Variants in PALM2AKAP2 observed in about 807,000 individuals in gnomAD.
PALM2AKAP2 encodes the protein PALM2-AKAP2 fusion protein.
PALM2AKAP2 carries 37 observed loss-of-function variants against 71.5 expected under a neutral mutation model. That is an observed-to-expected ratio of 0.52 (90% CI 0.40 to 0.68). The LOEUF (loss-of-function observed/expected upper bound fraction) is 0.68. Ranked by LOEUF, PALM2AKAP2 falls within the 30% of genes least tolerant of loss-of-function variation. PALM2AKAP2 has a pLI of 0.00. For missense variants in PALM2AKAP2, 1,224 were observed against 1,191.8 expected (o/e 1.03, Z -0.40); for synonymous variants, 468 against 478.8 (o/e 0.98, Z 0.29).
At chr9:109,692,246 T>A (rs1055464550) in intron 1 of PALM2AKAP2, among the ~76,000 whole-genome samples, 7 of 151,944 alleles carry the variant, frequency 4.6e-5, no homozygotes, top group African/African-American at 1.2e-4. Context: ...ACATATAGTA[T>A]CATAGTTGGT....
chr9:110,027,148 G>T (rs1221229254), intron 7 of PALM2AKAP2, among the ~76,000 whole-genome samples: 1 of 152,140 alleles, frequency 6.6e-6, no homozygotes, highest in Non-Finnish European at 1.5e-5. Flanking sequence ...GGTTACAAAA[G>T]TTCCTTTCTT....
At chr9:109,789,000 G>A (rs1478724342) in intron 1 of PALM2AKAP2, among the ~76,000 whole-genome samples, 1 of 152,162 alleles carries the variant, frequency 6.6e-6, no homozygotes, top group Non-Finnish European at 1.5e-5. Flanking sequence ...TCGGGAACTT[G>A]CTTTAATCTA....
intron 3 of PALM2AKAP2, among the ~76,000 whole-genome samples, chr9:110,165,546 T>G (rs905276739): frequency 2.6e-5 from 4 of 152,174 alleles, no homozygotes; most frequent in African/African-American, 4.8e-5. Flanking sequence ...ACTAGAAATT[T>G]ATTGTATGGC....
At chr9:109,728,884 G>A (rs954964405) in intron 1 of PALM2AKAP2, among the ~76,000 whole-genome samples, 3 of 152,050 alleles carry the variant, frequency 2.0e-5, no homozygotes, top group Admixed American at 2.0e-4. Flanking sequence ...AATTTACTGT[G>A]GCATTTTACT....
At chr9:109,869,230 C>T (rs1407633083) in intron 2 of PALM2AKAP2, among the ~76,000 whole-genome samples, 2 of 152,264 alleles carry the variant, frequency 1.3e-5, no homozygotes, top group Non-Finnish European at 1.5e-5. Context: ...TCTCCCTTCT[C>T]ATGATCCTGG....
chr9:109,843,788 A>C (rs1828773917), intron 1 of PALM2AKAP2, among the ~76,000 whole-genome samples: 1 of 152,210 alleles, frequency 6.6e-6, no homozygotes. Flanking sequence ...GCCTGGCCCC[A>C]TCCCAGCTGT....
At chr9:110,150,873 G>A (rs1836294915) in intron 2 of PALM2AKAP2, among the ~76,000 whole-genome samples, 1 of 152,180 alleles carries the variant, frequency 6.6e-6, no homozygotes, top group African/African-American at 2.4e-5. Context: ...TCTTAATATA[G>A]TTTGAATATT....
At chr9:109,749,304 A>G (rs1828850479) in intron 1 of PALM2AKAP2, among the ~76,000 whole-genome samples, 1 of 152,240 alleles carries the variant, frequency 6.6e-6, no homozygotes, top group Non-Finnish European at 1.5e-5. Flanking sequence ...TATTGAAATT[A>G]GTCACGCGCC....
chr9:110,046,015 G>A (rs1278257309), upstream of PALM2AKAP2, among the ~76,000 whole-genome samples: 1 of 152,170 alleles, frequency 6.6e-6, no homozygotes, highest in Non-Finnish European at 1.5e-5. Flanking sequence ...GATGCCAGTA[G>A]CAACCCCCCT....
chr9:109,961,176 A>G (rs571934444), intron 6 of PALM2AKAP2, among the ~76,000 whole-genome samples: 2 of 152,334 alleles, frequency 1.3e-5, no homozygotes, highest in East Asian at 1.9e-4. Flanking sequence ...TTTGGAACAT[A>G]TAGCTAAAAT....
chr9:109,656,974 A>G (rs1290093201), intron 1 of PALM2AKAP2, among the ~76,000 whole-genome samples: 3 of 152,228 alleles, frequency 2.0e-5, no homozygotes, highest in Non-Finnish European at 2.9e-5. Context: ...GTCCCTCCCA[A>G]CTATATTGAA....
intron 1 of PALM2AKAP2, among the ~76,000 whole-genome samples, chr9:109,817,337 G>A (rs1935303): frequency 6.6e-6 from 1 of 152,144 alleles, no homozygotes; most frequent in South Asian, 2.1e-4. Context: ...ATACATGCTG[G>A]GCATCTGAGC....
intron 3 of PALM2AKAP2, among the ~76,000 whole-genome samples, chr9:109,894,544 A>T (rs148096822): frequency 1.2e-3 from 181 of 152,336 alleles, no homozygotes; most frequent in Non-Finnish European, 2.0e-3. Context: ...TAGAAACTTT[A>T]ATAGCAATAT....
chr9:109,786,906 T>C (rs1053664014), intron 1 of PALM2AKAP2, among the ~76,000 whole-genome samples: 4 of 152,210 alleles, frequency 2.6e-5, no homozygotes, highest in African/African-American at 7.2e-5. Context: ...CTATATTTCT[T>C]TGGGGGCTAC....
At chr9:109,905,049 T>G (rs1830415964) in intron 3 of PALM2AKAP2, among the ~76,000 whole-genome samples, 1 of 152,194 alleles carries the variant, frequency 6.6e-6, no homozygotes, top group Non-Finnish European at 1.5e-5. Flanking sequence ...GTAAGGAAAA[T>G]TCTACCCTCA....
rs1028971657 is a variant in PALM2AKAP2 at position 110,076,557 on chromosome 9, G to A, written c.156+27702G>A. On this transcript the variant is annotated intron_variant, in intron 1 of 3. Transcript: ENST00000374525. ...GATGCTTTTCAAAAGGATGAAACTG[G>A]CAAGAATAAAATCTCACTAGTTGCC... Among the ~76,000 whole-genome samples the A allele has an allele frequency of 5.5e-4, 78 of 141,738 alleles. 1 individual carries two copies. The highest frequency in any genetic ancestry group is 3.5e-3 in the Admixed American group (49 of 14,132). The allele number at this position is 141,738 out of a possible 152,430, so 93.0% of individuals were successfully genotyped here.
Position 109,669,294 on chromosome 9 carries a change from AT to A in PALM2AKAP2, c.5+28431del, listed in dbSNP as rs550304180. Among the ~76,000 whole-genome samples the A allele has an allele frequency of 1.7e-3, 259 of 151,102 alleles. 3 individuals carry two copies. The South Asian group carries it at 0.032, about 19-fold the overall frequency. On this transcript the variant is annotated intron_variant, in intron 1 of 6. Coordinates refer to the PALM2AKAP2 transcript ENST00000374531. Reference sequence around the variant, plus strand: ...TTTTTTTTCAATGAATACATGTTACATTTGTCATATACTTTTTTCTAGATCT... The same window carrying A: ...TTTTTTTTCAATGAATACATGTTACATTGTCATATACTTTTTTCTAGATCT...
chr9:109,658,396 C>T (rs527923995), intron 1 of PALM2AKAP2, among the ~76,000 whole-genome samples: 1 of 152,018 alleles, frequency 6.6e-6, no homozygotes, highest in Admixed American at 6.6e-5. Context: ...TATAAATATC[C>T]CTTCTGACCT....
chr9:109,744,768 A>G lies in PALM2AKAP2; in HGVS notation c.6-35720A>G, dbSNP rs576065637. Among the ~76,000 whole-genome samples, 13 of 152,308 alleles carry G rather than the reference A, an allele frequency of 8.5e-5. No individual in the cohort carries two copies. The South Asian group carries it at 2.7e-3, about 32-fold the overall frequency. On this transcript the variant is annotated intron_variant, in intron 1 of 6. Coordinates refer to the PALM2AKAP2 transcript ENST00000374531. Reference sequence around the variant, plus strand: ...ACATCAGGACCTCACAGCCTCTGGCAACACTACCTGTTTTTGACTTCATGT... The same window carrying G: ...ACATCAGGACCTCACAGCCTCTGGCGACACTACCTGTTTTTGACTTCATGT...
Sources: allele counts gnomAD v4.1 joint callset (sites outside exome capture counted in the v4.1 genomes callset), GRCh38; gene constraint gnomAD v4.1.1; transcripts MANE v1.5; gene names NCBI Gene and HGNC (gene_info 2026-07-23, HGNC 2026-07-21).